ITPRID1: variants seen among roughly 807,000 people sequenced by gnomAD.
ITPRID1 encodes protein ITPRID1.
In ITPRID1, 96 loss-of-function variants were observed where a neutral mutation model predicts 95.4. The ratio of observed to expected loss-of-function variants is 1.01; its 90% CI spans 0.85 to 1.19. The LOEUF (loss-of-function observed/expected upper bound fraction) is 1.19. Ranked by LOEUF, ITPRID1 falls within the 50% of genes most tolerant of loss-of-function variation. The pLI is 0.00. For missense variants in ITPRID1, 1,339 were observed against 1,252.9 expected (o/e 1.07, Z -1.04); for synonymous variants, 510 against 453.6 (o/e 1.12, Z -1.58).
chr7:31,643,256 C>T lies in ITPRID1; in HGVS notation c.1886C>T (p.Thr629Ile), dbSNP rs758929892. 5.6e-6 allele frequency: 9 copies of T among 1,613,804 alleles called. No individual in the cohort carries two copies. The highest frequency in any genetic ancestry group is 5.1e-6 in the Non-Finnish European group (6 of 1,179,882). ...GAAAGCAGTGGATTCTGTCCTCACA[C>T]CAACCACAGCTTACTCGTACCAGAA... ...EEESSGFCPH[T>I]NHSLLVPESS... is the part of the protein sequence containing the mutation. The change falls in exon 12 of 15, where the codon ACC (threonine) becomes ATC (isoleucine). Residue 629 changes from threonine (T) to isoleucine (I), a missense_variant. Coordinates refer to ENST00000615280, the MANE Select transcript of ITPRID1 (RefSeq NM_001257967.3).
intron 10 of ITPRID1, 71 bp from the exon 11 acceptor site, chr7:31,642,105 A>G: frequency 9.6e-6 from 10 of 1,045,398 alleles, no homozygotes; most frequent in Non-Finnish European, 1.4e-5. Context: ...AGGCACCTAG[A>G]GGGGTTGATC....
At chr7:31,629,311 T>C (rs945631072) in intron 10 of ITPRID1, among the ~76,000 whole-genome samples, 1 of 152,212 alleles carries the variant, frequency 6.6e-6, no homozygotes. Flanking sequence ...ATATAAATGT[T>C]CTGTTTCAGA....
In ITPRID1 at chr7:31,655,583, C is replaced by T. The variant is rs998256527; in HGVS notation, c.*2754C>T. Among the ~76,000 whole-genome samples, 1 of 152,178 alleles carries T rather than the reference C, an allele frequency of 6.6e-6. No individual in the cohort carries two copies. Among genetic ancestry groups the T allele is most frequent in the East Asian group, 1.9e-4 (1 of 5,192 alleles). On this transcript the variant is annotated 3_prime_UTR_variant, in exon 15 of 15. Coordinates refer to ENST00000615280, the MANE Select transcript of ITPRID1 (RefSeq NM_001257967.3). The stretch of plus-strand genomic sequence containing the variant: ...GATCATACTTCCCAGAGCAGCCTTC[C>T]ACCAGAAATAAAAGTCCAGGCCCTG...
At chr7:31,618,162 T>G (rs79433840) in intron 10 of ITPRID1, among the ~76,000 whole-genome samples, 6,677 of 152,264 alleles carry the variant, frequency 0.044, 232 homozygotes, top group South Asian at 0.089. Context: ...GTCACCCAGA[T>G]CAAAGGTGTG....
chr7:31,610,227 A>G (rs1164422148), intron 10 of ITPRID1, among the ~76,000 whole-genome samples: 4 of 151,696 alleles, frequency 2.6e-5, no homozygotes, highest in Non-Finnish European at 5.9e-5. Context: ...TTCCATGTAC[A>G]GTTGAGAAAT....
chr7:31,553,277 A>T, intron 3 of ITPRID1, 90 bp downstream of exon 3: 1 of 1,258,028 alleles, frequency 7.9e-7, no homozygotes, highest in Non-Finnish European at 1.1e-6. Context: ...GTGATTTTGG[A>T]ACAAAAGTAT....
Position 31,569,882 on chromosome 7 carries a change from G to C in ITPRID1, c.308+73G>C, listed in dbSNP as rs371688102. 2.6e-5 allele frequency: 35 copies of C among 1,331,446 alleles called. 1 individual carries two copies. In the African/African-American group the frequency reaches 5.0e-4, roughly 19 times the overall value. 82.5% of individuals were successfully genotyped at this position (1,331,446 alleles called of 1,614,324 possible). ...ACCTTTGCTGAATAAAATAGAAGTA[G>C]GGAAGTTTTCTTAATATTGCCATAG... is the stretch of plus-strand genomic sequence containing the variant. On this transcript the variant is annotated intron_variant, in intron 6 of 14. Coordinates refer to ENST00000615280, the MANE Select transcript of ITPRID1 (RefSeq NM_001257967.3).
At chr7:31,602,833 C>T (rs556378403) in intron 10 of ITPRID1, among the ~76,000 whole-genome samples, 1 of 152,180 alleles carries the variant, frequency 6.6e-6, no homozygotes, top group African/African-American at 2.4e-5. Flanking sequence ...ATTTTTCTCT[C>T]TCTGGTTATT....
At chr7:31,619,381 T>C (rs1479773484) in intron 10 of ITPRID1, among the ~76,000 whole-genome samples, 1 of 152,230 alleles carries the variant, frequency 6.6e-6, no homozygotes, top group Non-Finnish European at 1.5e-5. Context: ...GTGTTGAATT[T>C]TCAATTCTTA....
At chr7:31,605,260 G>A (rs1363604308) in intron 10 of ITPRID1, among the ~76,000 whole-genome samples, 3 of 152,144 alleles carry the variant, frequency 2.0e-5, no homozygotes, top group South Asian at 4.1e-4. Context: ...AGGAAGGGGA[G>A]GCAAAGCTGA....
At chr7:31,636,791 A>C (rs564413671) in intron 10 of ITPRID1, among the ~76,000 whole-genome samples, 1 of 151,254 alleles carries the variant, frequency 6.6e-6, no homozygotes, top group African/African-American at 2.4e-5. Flanking sequence ...GGTTTGTTAC[A>C]TATGTATACA....
Position 31,640,605 on chromosome 7 carries a change from CT to C in ITPRID1, c.1229-1570del, listed in dbSNP as rs139129198. ...ACTTGTTCCTGTTTCTCAAGGACTG[CT>C]GTCTGTAACTGTCTGAGGTCCATTG... On this transcript the variant is annotated intron_variant, in intron 10 of 14. Transcript: ENST00000615280. Among the ~76,000 whole-genome samples, 646 of 152,100 alleles carry C rather than the reference CT, an allele frequency of 4.2e-3. 9 individuals carry two copies. Among genetic ancestry groups the C allele is most frequent in the African/African-American group, 0.014 (595 of 41,488 alleles).
At chr7:31,521,001 G>A (rs768644565) in intron 1 of ITPRID1, among the ~76,000 whole-genome samples, 10 of 151,382 alleles carry the variant, frequency 6.6e-5, no homozygotes, top group Non-Finnish European at 1.2e-4. Context: ...CTAGAAATTT[G>A]TCCATTTTAT....
At chr7:31,632,926 C>T (rs545393758) in intron 10 of ITPRID1, among the ~76,000 whole-genome samples, 10 of 151,822 alleles carry the variant, frequency 6.6e-5, no homozygotes, top group African/African-American at 1.7e-4. Context: ...CTCACTCTGT[C>T]GCCAGGCTGG....
intron 10 of ITPRID1, among the ~76,000 whole-genome samples, chr7:31,592,473 A>G (rs1471232984): frequency 1.3e-5 from 2 of 152,218 alleles, no homozygotes; most frequent in African/African-American, 4.8e-5. Flanking sequence ...CTCAAAATAA[A>G]GTACTCTGGA....
At position 31,653,544 on chromosome 7, in the gene ITPRID1, A is replaced by G. The variant is rs548329464; in HGVS notation, c.*715A>G. On this transcript the variant is annotated 3_prime_UTR_variant, in exon 15 of 15. Transcript: ENST00000615280. ...ATACTTTGTCAGGATAAAATTCAAC[A>G]GAACTGTTTTAGACTAAAGATTTTA... 6.6e-6 allele frequency: 1 copy of G among 152,352 alleles called. No individual in the cohort carries two copies. Among genetic ancestry groups the G allele is most frequent in the East Asian group, 1.9e-4 (1 of 5,182 alleles). The allele number at this position is 152,352 out of a possible 1,614,324, so 9.4% of individuals were successfully genotyped here.
At chr7:31,630,600 G>A (rs946109687) in intron 10 of ITPRID1, among the ~76,000 whole-genome samples, 4 of 152,074 alleles carry the variant, frequency 2.6e-5, no homozygotes, top group South Asian at 2.1e-4. Context: ...GAACAACAGG[G>A]AAGATCTGCA....
At chr7:31,587,029 A>G (rs1042730332) in intron 10 of ITPRID1, among the ~76,000 whole-genome samples, 2 of 152,180 alleles carry the variant, frequency 1.3e-5, no homozygotes, top group African/African-American at 4.8e-5. Context: ...AAGGTGTAAT[A>G]TCATACTGAA....
At chr7:31,632,972 C>A (rs942760649) in intron 10 of ITPRID1, among the ~76,000 whole-genome samples, 2 of 151,944 alleles carry the variant, frequency 1.3e-5, no homozygotes, top group African/African-American at 4.8e-5. Flanking sequence ...CTGCAACCTC[C>A]GACTCCCTGG....
Sources: allele counts gnomAD v4.1 joint callset (sites outside exome capture counted in the v4.1 genomes callset), GRCh38; gene constraint gnomAD v4.1.1; transcripts MANE v1.5; gene names NCBI Gene and HGNC (gene_info 2026-07-23, HGNC 2026-07-21).